Variants in DIP2C observed in about 807,000 individuals in gnomAD.
DIP2C encodes the protein disco-interacting protein 2 homolog C.
In DIP2C, 33 loss-of-function variants were observed where a neutral mutation model predicts 192.4. That is an observed-to-expected ratio of 0.17 (90% CI 0.13 to 0.23). The LOEUF is 0.23. Among genes scored for constraint, DIP2C ranks in the 10% least tolerant of loss-of-function variants. DIP2C has a pLI of 1.00. For missense variants in DIP2C, 1,537 were observed against 2,110.1 expected, an observed-to-expected ratio of 0.73 and a Z score of 5.32; for synonymous variants, 979 against 864.1, an observed-to-expected ratio of 1.13 and a Z score of -2.33.
chr10:357,777 CAGTCGGAAA>C (rs1959161055), intron 23 of DIP2C, 42 bp downstream of exon 23: 1 of 1,412,340 alleles, frequency 7.1e-7, no homozygotes, highest in Non-Finnish European at 9.9e-7. Flanking sequence ...TGGTCGGGGA[CAGTCGGAAA>C]AGTCGGGGAC....
chr10:324,276 C>A (rs1325488667), intron 31 of DIP2C, among the ~76,000 whole-genome samples: 2 of 152,202 alleles, frequency 1.3e-5, no homozygotes, highest in African/African-American at 4.8e-5. Context: ...CTGACATGAG[C>A]CCCTTCAAGT....
At chr10:319,442 C>G (rs1198712615) in intron 31 of DIP2C, among the ~76,000 whole-genome samples, 1 of 152,098 alleles carries the variant, frequency 6.6e-6, no homozygotes, top group Non-Finnish European at 1.5e-5. Flanking sequence ...CAACCGCGGT[C>G]TCTTTTGGAA....
chr10:587,181 G>A (rs1588530810), intron 1 of DIP2C, among the ~76,000 whole-genome samples: 2 of 150,262 alleles, frequency 1.3e-5, no homozygotes, highest in South Asian at 4.3e-4. Flanking sequence ...TGTGGCGAGG[G>A]GCAAACAGTG....
intron 1 of DIP2C, among the ~76,000 whole-genome samples, chr10:654,414 C>G (rs1299645618): frequency 6.6e-6 from 1 of 152,162 alleles, no homozygotes; most frequent in Non-Finnish European, 1.5e-5. Flanking sequence ...TAAAATGAAA[C>G]CCAGCCTTTG....
chr10:617,860 CCCT>C (rs1470811096), intron 1 of DIP2C, among the ~76,000 whole-genome samples: 4 of 152,160 alleles, frequency 2.6e-5, no homozygotes, highest in Non-Finnish European at 5.9e-5. Flanking sequence ...TCAAAAACTG[CCCT>C]CCAAGGGCAC....
intron 3 of DIP2C, among the ~76,000 whole-genome samples, chr10:458,650 G>A (rs1003973618): frequency 6.7e-6 from 1 of 149,424 alleles, no homozygotes; most frequent in Admixed American, 6.7e-5. Context: ...CCCCGTGACA[G>A]CAAGGAGGAT....
intron 1 of DIP2C, among the ~76,000 whole-genome samples, chr10:578,245 T>C (rs774979008): frequency 1.3e-5 from 2 of 152,210 alleles, no homozygotes; most frequent in African/African-American, 2.4e-5. Context: ...TCATGAACTG[T>C]TTATATTCAC....
chr10:384,423 A>G (rs1589669385), intron 15 of DIP2C, 123 bp downstream of exon 15: 1 of 1,019,256 alleles, frequency 9.8e-7, no homozygotes, highest in Non-Finnish European at 1.5e-6. Context: ...TTATTAGTAG[A>G]AACGGGGTTT....
At chr10:283,502 G>T in intron 34 of DIP2C, 56 bp from the exon 35 acceptor site, 1 of 1,591,056 alleles carries the variant, frequency 6.3e-7, no homozygotes, top group Non-Finnish European at 8.6e-7. Flanking sequence ...CCAGGGAAAT[G>T]AGACTACAAC....
chr10:656,723 C>T (rs975641760), intron 1 of DIP2C, among the ~76,000 whole-genome samples: 2 of 152,110 alleles, frequency 1.3e-5, no homozygotes, highest in African/African-American at 4.8e-5. Context: ...CACTGCTGGA[C>T]TCCGTGTTGA....
intron 1 of DIP2C, among the ~76,000 whole-genome samples, chr10:572,998 G>A (rs1473227711): frequency 6.6e-6 from 1 of 152,044 alleles, no homozygotes; most frequent in Non-Finnish European, 1.5e-5. Context: ...TGCGGACTGA[G>A]GCAGTAAATA....
chr10:331,310 C>T (rs1957499165), intron 29 of DIP2C, among the ~76,000 whole-genome samples: 1 of 152,116 alleles, frequency 6.6e-6, no homozygotes, highest in Non-Finnish European at 1.5e-5. Context: ...TCAAACGGGA[C>T]CCTTAGTATG....
At chr10:317,648 C>T (rs1296143114) in intron 31 of DIP2C, among the ~76,000 whole-genome samples, 2 of 152,174 alleles carry the variant, frequency 1.3e-5, no homozygotes, top group Admixed American at 6.5e-5. Context: ...GAAAGCCAGG[C>T]GAACACTTGA....
At chr10:377,730 T>C (rs1210152040) in intron 17 of DIP2C, among the ~76,000 whole-genome samples, 1 of 152,140 alleles carries the variant, frequency 6.6e-6, no homozygotes, top group East Asian at 1.9e-4. Context: ...ACAGCACCCT[T>C]CTCCCTGCGG....
chr10:294,599 A>G (rs940121563), intron 32 of DIP2C, among the ~76,000 whole-genome samples: 1 of 151,168 alleles, frequency 6.6e-6, no homozygotes, highest in Non-Finnish European at 1.5e-5. Context: ...ATCTAAAAAA[A>G]GAAAAAAAAA....
At chr10:337,147 T>TTC (rs1373405694) in intron 29 of DIP2C, among the ~76,000 whole-genome samples, 1 of 111,760 alleles carries the variant, frequency 8.9e-6, no homozygotes, top group Non-Finnish European at 1.8e-5. Flanking sequence ...TGTGTGTGTG[T>TTC]TGTGGAGGCC....
intron 31 of DIP2C, among the ~76,000 whole-genome samples, chr10:323,942 T>A (rs1957145278): frequency 6.6e-6 from 1 of 152,124 alleles, no homozygotes; most frequent in Non-Finnish European, 1.5e-5. Flanking sequence ...CAGGTTTTTT[T>A]AATTTTGCAG....
chr10:605,168 G>C (rs545139350), intron 1 of DIP2C, among the ~76,000 whole-genome samples: 1 of 152,158 alleles, frequency 6.6e-6, no homozygotes, highest in Non-Finnish European at 1.5e-5. Flanking sequence ...GCAGAGAGCT[G>C]GTCACTCCGC....
At chr10:444,752 G>A (rs1968025039) in intron 3 of DIP2C, among the ~76,000 whole-genome samples, 1 of 152,214 alleles carries the variant, frequency 6.6e-6, no homozygotes, top group African/African-American at 2.4e-5. Context: ...GCCTATTTTG[G>A]TTTCAGTATT....
Sources: gnomAD v4.1 joint callset for allele counts (sites outside exome capture counted in the v4.1 genomes callset) on GRCh38, gnomAD v4.1.1 for gene constraint, MANE v1.5 for transcripts, NCBI Gene and HGNC (gene_info 2026-07-23, HGNC 2026-07-21) for gene names.